The following PLB1 variants were observed in gnomAD, a reference collection of about 807,000 sequenced individuals.
PLB1 encodes the protein phospholipase B1, membrane-associated.
In PLB1, 242 loss-of-function variants were observed where a neutral mutation model predicts 227.4. The observed-to-expected ratio is 1.06, with a 90% CI of 0.96 to 1.18. PLB1 has a LOEUF of 1.18. PLB1 is among the 50% of genes most tolerant of loss of function. The pLI, the probability that PLB1 is intolerant of heterozygous loss-of-function variation, is 0.00. For missense variants in PLB1, 1,858 were observed against 1,816.3 expected (o/e 1.02, Z -0.42); for synonymous variants, 757 against 682.2 (o/e 1.11, Z -1.71).
chr2:28,568,796 G>T (rs1226368791), intron 20 of PLB1, among the ~76,000 whole-genome samples: 2 of 152,174 alleles, frequency 1.3e-5, no homozygotes, highest in South Asian at 4.1e-4. Flanking sequence ...AATTCGTCAG[G>T]TAAGGAAAGG....
intron 4 of PLB1, among the ~76,000 whole-genome samples, chr2:28,523,023 C>T (rs189037293): frequency 6.3e-4 from 96 of 152,306 alleles, no homozygotes; most frequent in African/African-American, 2.3e-3. Flanking sequence ...ATACGCACTT[C>T]TTTGGAACTA....
chr2:28,496,356 G>A (rs1666436403), intron 1 of PLB1, among the ~76,000 whole-genome samples, 187 bp downstream of exon 1: 1 of 152,172 alleles, frequency 6.6e-6, no homozygotes, highest in Non-Finnish European at 1.5e-5. Context: ...CCTACACAGG[G>A]TTACATGTCC....
In PLB1 at chr2:28,561,141, G is replaced by A. The variant is rs114892981; in HGVS notation, c.1148-1900G>A. 8.4e-4 allele frequency among the ~76,000 whole-genome samples: 128 copies of A among 152,172 alleles called. 1 individual carries two copies. The highest frequency in any genetic ancestry group is 2.8e-3 in the African/African-American group (116 of 41,492). ...CTTCACACCTCTTTTAGTGTTTATCGGTCTTACACTATAATAACTATGGCT... is the reference window on the plus strand; with the variant it reads ...CTTCACACCTCTTTTAGTGTTTATCAGTCTTACACTATAATAACTATGGCT... On this transcript the variant is annotated intron_variant, in intron 17 of 57. Transcript: ENST00000327757.
At chr2:28,543,342 T>C in intron 14 of PLB1, 74 bp downstream of exon 14, 1 of 1,509,674 alleles carries the variant, frequency 6.6e-7, no homozygotes, top group Admixed American at 2.0e-5. Context: ...CCCACCGTGC[T>C]GAGGAGGGGC....
intron 56 of PLB1, among the ~76,000 whole-genome samples, chr2:28,634,812 G>A (rs1168776241): frequency 6.6e-6 from 1 of 152,152 alleles, no homozygotes. Context: ...TCAGAAGGCT[G>A]ACGTGAGAAG....
intron 1 of PLB1, among the ~76,000 whole-genome samples, chr2:28,496,652 T>C (rs1666480519): frequency 6.6e-6 from 1 of 152,222 alleles, no homozygotes. Flanking sequence ...TTGCCTACAT[T>C]CTTTAGTGCT....
rs1416599025 is a variant in PLB1, at chr2:28,589,539, C to G, written c.1905C>G (p.Asp635Glu). The change falls in exon 27 of 58, where the codon GAC becomes GAG. Residue 635 changes from aspartate to glutamate, a missense_variant. Transcript: ENST00000327757. The part of the protein sequence containing the change: ...VVVQPFFENV[D>E]MPKTSEGLPD... ...TGCAGCCGTTCTTTGAAAACGTGGA[C>G]ATGCCAAAGACCTCGGTAAAGAAAG... 1 of 1,614,140 alleles carries G rather than the reference C, an allele frequency of 6.2e-7. No homozygotes were observed. The highest frequency in any genetic ancestry group is 1.1e-5 in the South Asian group (1 of 91,086).
chr2:28,543,852 TACTGTA>T (rs1382373139), intron 14 of PLB1, among the ~76,000 whole-genome samples: 1 of 152,218 alleles, frequency 6.6e-6, no homozygotes, highest in Non-Finnish European at 1.5e-5. Flanking sequence ...TTGGCCTTTT[TACTGTA>T]ACTGTAACAG....
intron 19 of PLB1, 129 bp from the exon 20 acceptor site, chr2:28,566,667 T>C (rs1676962671): frequency 1.0e-6 from 1 of 984,914 alleles, no homozygotes; most frequent in East Asian, 2.4e-5. Context: ...ACTGAAGTGA[T>C]GGGGAAAGTG....
At chr2:28,570,360 G>A (rs1677798853) in intron 20 of PLB1, among the ~76,000 whole-genome samples, 2 of 152,206 alleles carry the variant, frequency 1.3e-5, no homozygotes, top group South Asian at 4.1e-4. Context: ...TACAAGGTTA[G>A]TTTTCAACCT....
intron 56 of PLB1, among the ~76,000 whole-genome samples, chr2:28,640,011 A>T (rs1380577409): frequency 6.6e-6 from 1 of 152,186 alleles, no homozygotes; most frequent in East Asian, 1.9e-4. Context: ...CCAGGAACAG[A>T]ACTGCCCTCC....
intron 29 of PLB1, among the ~76,000 whole-genome samples, chr2:28,590,631 C>T (rs992426721): frequency 2.6e-5 from 4 of 152,070 alleles, no homozygotes; most frequent in Non-Finnish European, 4.4e-5. Flanking sequence ...CCAAGAATCC[C>T]TCTGTATACC....
intron 14 of PLB1, among the ~76,000 whole-genome samples, chr2:28,547,200 T>A (rs1357505254): frequency 1.7e-4 from 4 of 23,972 alleles, no homozygotes; most frequent in Admixed American, 8.6e-4. Context: ...AGACCCTGTC[T>A]CCAAAAAAAA....
intron 47 of PLB1, 23 bp downstream of exon 47, chr2:28,620,355 C>A: frequency 6.4e-7 from 1 of 1,569,714 alleles, no homozygotes; most frequent in Non-Finnish European, 8.7e-7. Flanking sequence ...TTGATGCATG[C>A]TCTATTGATG....
intron 21 of PLB1, 117 bp from the exon 22 acceptor site, chr2:28,577,990 C>T: frequency 1.1e-6 from 1 of 949,680 alleles, no homozygotes; most frequent in Non-Finnish European, 1.7e-6. Context: ...AGTCCATTTT[C>T]CTGCAGGAGG....
Position 28,582,487 on chromosome 2 carries a change from G to T in PLB1, c.1715G>T (p.Cys572Phe), listed in dbSNP as rs1240034201. The T allele has an allele frequency of 6.2e-7, 1 of 1,608,626 alleles. No individual in the cohort carries two copies. Among genetic ancestry groups the T allele is most frequent in the African/African-American group, 1.3e-5 (1 of 74,902 alleles). The stretch of plus-strand genomic sequence containing the variant: ...CTGTACCAGGAGAAAAAAGTCTACT[G>T]CCCAAGGATGATCCTCAGGTCAGAC... ...RELYQEKKVY[C>F]PRMILRSLCP... Residue 572 changes from cysteine to phenylalanine, a missense_variant, in exon 25 of 58, where the codon TGC becomes TTC. Transcript: ENST00000327757.
At chr2:28,637,074 C>G (rs1573606359) in intron 56 of PLB1, among the ~76,000 whole-genome samples, 2 of 151,960 alleles carry the variant, frequency 1.3e-5, no homozygotes, top group African/African-American at 4.8e-5. Flanking sequence ...CAGGCAGATC[C>G]CCTGAGGTCA....
In PLB1 at chr2:28,606,496, C is replaced by T. The variant is rs894203169; in HGVS notation, c.3058C>T (p.Leu1020Phe). 1.2e-6 allele frequency: 2 copies of T among 1,614,060 alleles called. No individual in the cohort carries two copies. The highest frequency in any genetic ancestry group is 8.5e-7 in the Non-Finnish European group (1 of 1,179,890). Reference protein sequence around the residue: ...QLARALWTNMLEPLGSKTETL... With the variant: ...QLARALWTNMFEPLGSKTETL... ...TGTCTCTCTTTTCTTCCCTGATCAG[C>T]TTGAACCACTTGGAAGCAAAACAGA... The change falls in exon 43 of 58, where the codon CTT becomes TTT. Residue 1020 changes from leucine to phenylalanine, a missense_variant and splice_region_variant. Physicochemically the swap from Leu to Phe is conservative, Grantham distance 22. Coordinates refer to ENST00000327757, the MANE Select transcript of PLB1 (RefSeq NM_153021.5).
Position 28,617,752 on chromosome 2 carries a change from C to G in PLB1, c.3221C>G (p.Thr1074Arg), listed in dbSNP as rs761698716. The G allele has an allele frequency of 6.2e-7, 1 of 1,614,150 alleles. No individual in the cohort carries two copies. The change falls in exon 45 of 58, where the codon ACA becomes AGA. Residue 1074 changes from threonine to arginine, a missense_variant. By Grantham distance (71) the Thr-to-Arg change is moderately conservative. Transcript: ENST00000327757. ...IENWGSDFLC[T>R]EWKASNSVPT... ...AACTGGGGCAGTGACTTCCTGTGTA[C>G]AGAGTGGAAGGCTTCCAATAGTGTT...
Sources: allele counts gnomAD v4.1 joint callset (sites outside exome capture counted in the v4.1 genomes callset), GRCh38; gene constraint gnomAD v4.1.1; transcripts MANE v1.5; gene names NCBI Gene and HGNC (gene_info 2026-07-23, HGNC 2026-07-21).